The following CDHR1 variants were observed in gnomAD, a reference collection of about 807,000 sequenced individuals.
CDHR1 encodes cadherin-related family member 1.
Under a neutral mutation model 72.1 loss-of-function variants are expected in CDHR1, and 61 were observed. The ratio of observed to expected loss-of-function variants is 0.85; its 90% CI spans 0.69 to 1.05. CDHR1 has a LOEUF of 1.05. Among genes scored for constraint, CDHR1 ranks in the 50% least tolerant of loss-of-function variants. The probability of loss-of-function intolerance (pLI) is 0.00; values close to 1 mark genes in which losing one functional copy is unlikely to be tolerated. For missense variants in CDHR1, 1,186 were observed against 1,115.7 expected (o/e 1.06, Z -0.90); for synonymous variants, 470 against 448.1 (o/e 1.05, Z -0.62).
intron 12 of CDHR1, 49 bp from the exon 13 acceptor site, chr10:84,210,952 G>C: frequency 6.3e-7 from 1 of 1,594,444 alleles, no homozygotes; most frequent in Non-Finnish European, 8.6e-7. Context: ...AAGGCTCTCT[G>C]CAGCATGAGT....
In CDHR1 at chr10:84,217,596, G is replaced by A. The variant is rs940824491; in HGVS notation, c.*2975G>A. 4.7e-5 allele frequency: 46 copies of A among 985,262 alleles called. No homozygotes were observed. Among genetic ancestry groups the A allele is most frequent in the Admixed American group, 6.1e-5 (1 of 16,262 alleles). 61.0% of individuals were successfully genotyped at this position (985,262 alleles called of 1,614,324 possible). ...AGATCTAATATATGTAAAGTGCCTA[G>A]CACCGGCTTTGTATCTACTTACACA... is the stretch of plus-strand genomic sequence containing the variant. On this transcript the variant is annotated 3_prime_UTR_variant, in exon 17 of 17. Transcript: ENST00000623527.
intron 10 of CDHR1, among the ~76,000 whole-genome samples, 191 bp from the exon 11 acceptor site, chr10:84,207,983 T>A (rs1842257599): frequency 6.6e-6 from 1 of 152,204 alleles, no homozygotes; most frequent in Admixed American, 6.5e-5. Context: ...AAGACAGACG[T>A]TACAATCTCT....
intron 12 of CDHR1, among the ~76,000 whole-genome samples, chr10:84,210,401 G>C (rs1290037950): frequency 6.6e-6 from 1 of 152,042 alleles, no homozygotes; most frequent in Non-Finnish European, 1.5e-5. Context: ...GAGTAGCTGG[G>C]ATTACAGACA....
In CDHR1 at chr10:84,210,948, C is replaced by G. The variant is rs1842317986; in HGVS notation, c.1321-53C>G. On this transcript the variant is annotated intron_variant, in intron 12 of 16. Transcript: ENST00000623527. ...CCTGGGGAGATGAGGTGGGAAGGCTCTCTGCAGCATGAGTGCCTACCCAGA... is the reference window on the plus strand; with the variant it reads ...CCTGGGGAGATGAGGTGGGAAGGCTGTCTGCAGCATGAGTGCCTACCCAGA... The G allele has an allele frequency of 1.9e-6, 3 of 1,596,082 alleles. No homozygotes were observed. In the Admixed American group the frequency reaches 5.0e-5, roughly 27 times the overall value.
Position 84,195,581 on chromosome 10 carries a change from C to A in CDHR1, c.143C>A (p.Thr48Asn), listed in dbSNP as rs201698218. The A allele has an allele frequency of 4.4e-4, 707 of 1,613,718 alleles. 1 individual carries two copies. The highest frequency in any genetic ancestry group is 4.2e-4 in the Non-Finnish European group (491 of 1,179,664). ...GCTCTGTTCAGCCTCCCAGAGGACA[C>A]CCCTGTAGGTGAGTAGCCCTGGCAC... ...NMALFSLPEDTPVGSHVYTLN... is the reference protein window; with the variant it reads ...NMALFSLPEDNPVGSHVYTLN... Residue 48 changes from threonine to asparagine, a missense_variant, in exon 2 of 17, where the codon ACC (threonine) becomes AAC (asparagine). Coordinates refer to ENST00000623527, the MANE Select transcript of CDHR1 (RefSeq NM_033100.4).
chr10:84,208,444 T>C lies in CDHR1; in HGVS notation c.1167+67T>C, dbSNP rs142449240. 766 of 1,526,928 alleles carry C rather than the reference T, an allele frequency of 5.0e-4. 2 individuals carry two copies. In the African/African-American group the frequency reaches 9.2e-3, roughly 18 times the overall value. The allele number at this position is 1,526,928 out of a possible 1,614,324, so 94.6% of individuals were successfully genotyped here. ...ATGAAGCCAAGGTCCCAAAGCTAAG[T>C]GGGTCTGCATCAACCTGCTCTGCGT... On this transcript the variant is annotated intron_variant, in intron 11 of 16. Coordinates refer to ENST00000623527, the MANE Select transcript of CDHR1 (RefSeq NM_033100.4).
Position 84,205,825 on chromosome 10 carries a change from A to G in CDHR1, c.863-2A>G, listed in dbSNP as rs776940014. The G allele has an allele frequency of 1.9e-6, 3 of 1,612,496 alleles. No homozygotes were observed. Among genetic ancestry groups the G allele is most frequent in the South Asian group, 1.1e-5 (1 of 90,924 alleles). On this transcript the variant is annotated splice_acceptor_variant, in intron 9 of 16. Coordinates refer to ENST00000623527, the MANE Select transcript of CDHR1 (RefSeq NM_033100.4). LOFTEE classifies it high-confidence loss of function. Reference sequence around the variant, plus strand: ...AACTTCAGGGTGCATCTCCCTTGACAGGGAACGATGGAGCCTTTGAAATTA... The same window carrying G: ...AACTTCAGGGTGCATCTCCCTTGACGGGGAACGATGGAGCCTTTGAAATTA...
chr10:84,216,746 C>A lies in CDHR1; in HGVS notation c.*2125C>A, dbSNP rs1389982394. ...ACATTTGCAGGCCTTGTCTACTGGA[C>A]TTTTCTCCCAAACAGGACAAGCCCA... On this transcript the variant is annotated 3_prime_UTR_variant, in exon 17 of 17. Transcript: ENST00000623527. 1.0e-6 allele frequency: 1 copy of A among 985,350 alleles called. No homozygotes were observed. The highest frequency in any genetic ancestry group is 1.7e-5 in the African/African-American group (1 of 57,248). The allele number at this position is 985,350 out of a possible 1,614,324, so 61.0% of individuals were successfully genotyped here. A position where few individuals can be genotyped will look rare whatever the true frequency, so the allele number is the denominator to read the frequency against.
chr10:84,218,070 G>A lies in CDHR1; in HGVS notation c.*3449G>A. 1.0e-6 allele frequency: 1 copy of A among 985,470 alleles called. No individual in the cohort carries two copies. The highest frequency in any genetic ancestry group is 1.2e-6 in the Non-Finnish European group (1 of 829,938). 61.0% of individuals were successfully genotyped at this position (985,470 alleles called of 1,614,324 possible). Reference sequence around the variant, plus strand: ...GGCCAGTCCACCTGCCAGGGGTGTTGGCATCTGTTGACAGGCAGTGGCACA... The same window carrying A: ...GGCCAGTCCACCTGCCAGGGGTGTTAGCATCTGTTGACAGGCAGTGGCACA... On this transcript the variant is annotated 3_prime_UTR_variant, in exon 17 of 17. Transcript: ENST00000623527.
intron 15 of CDHR1, 40 bp from the exon 16 acceptor site, chr10:84,213,051 T>C: frequency 6.2e-7 from 1 of 1,614,094 alleles, no homozygotes. Flanking sequence ...ACAAGGATTG[T>C]CCCCAAAGCC....
chr10:84,202,916 G>A, intron 7 of CDHR1, 64 bp from the exon 8 acceptor site: 1 of 1,605,488 alleles, frequency 6.2e-7, no homozygotes, highest in Non-Finnish European at 8.5e-7. Context: ...GGTTTTCACG[G>A]ATTCTGTCCA....
downstream of CDHR1, chr10:84,219,513 C>A: frequency 1.9e-6 from 1 of 518,380 alleles, no homozygotes. Flanking sequence ...TTCATGGTAG[C>A]CCAGGCTATT....
rs548995580 is a variant in CDHR1, at chr10:84,214,418, G to A, written c.2377G>A (p.Ala793Thr). 3.2e-5 allele frequency: 52 copies of A among 1,613,590 alleles called. No homozygotes were observed. In the Admixed American group the frequency reaches 6.8e-4, roughly 21 times the overall value. Reference protein sequence around the residue: ...PESSLLPRAPALPPPPSVAPS... With the variant: ...PESSLLPRAPTLPPPPSVAPS... Reference sequence around the variant, plus strand: ...AAGCTCTCTGCTCCCGAGAGCTCCGGCTCTCCCTCCACCACCCAGCGTGGC... The same window carrying A: ...AAGCTCTCTGCTCCCGAGAGCTCCGACTCTCCCTCCACCACCCAGCGTGGC... Residue 793 changes from alanine (A) to threonine (T), a missense_variant, in exon 17 of 17, where the codon GCT becomes ACT. Physicochemically the swap from Ala to Thr is moderately conservative, Grantham distance 58 (BLOSUM62 0). Coordinates refer to ENST00000623527, the MANE Select transcript of CDHR1 (RefSeq NM_033100.4).
At position 84,212,230 on chromosome 10, in the gene CDHR1, C is replaced by T; in HGVS notation, c.1605C>T (p.Ser535=). Reference sequence around the variant, plus strand: ...TTATCTACACCCAGCCCTGGGCTAGCCTGGACGCTGAGGCCACTGCCAGGT... The same window carrying T: ...TTATCTACACCCAGCCCTGGGCTAGTCTGGACGCTGAGGCCACTGCCAGGT... ...TGLIYTQPWA[S]LDAEATARYN... Residue 535 remains serine, a synonymous_variant, in exon 15 of 17, where the codon AGC becomes AGT. Coordinates refer to ENST00000623527, the MANE Select transcript of CDHR1 (RefSeq NM_033100.4). 2 of 1,614,238 alleles carry T rather than the reference C, an allele frequency of 1.2e-6. No individual in the cohort carries two copies. Among genetic ancestry groups the T allele is most frequent in the South Asian group, 2.2e-5 (2 of 91,086 alleles).
chr10:84,207,537 G>A (rs528147216), intron 10 of CDHR1, among the ~76,000 whole-genome samples: 1 of 152,292 alleles, frequency 6.6e-6, no homozygotes, highest in South Asian at 2.1e-4. Context: ...GGGAAAGGTG[G>A]TCTTGAAGAG....
intron 14 of CDHR1, among the ~76,000 whole-genome samples, 189 bp from the exon 15 acceptor site, chr10:84,211,990 T>C (rs1472111366): frequency 6.6e-6 from 1 of 152,176 alleles, no homozygotes; most frequent in Non-Finnish European, 1.5e-5. Context: ...TAGTGATAGA[T>C]GGGTGAGTCC....
chr10:84,205,950 T>G (rs773618120), intron 10 of CDHR1, 23 bp downstream of exon 10: 1 of 1,568,548 alleles, frequency 6.4e-7, no homozygotes. Context: ...TAGCTTTGTC[T>G]TCCCTGCCCA....
Position 84,211,126 on chromosome 10 carries a change from T to G in CDHR1, c.1446T>G (p.Pro482=). The stretch of plus-strand genomic sequence containing the variant: ...CCCTCTACTACGTTGCCAGGATTCC[T>G]GAGAACGCCCCAGGGGGCTCCAGCG... The part of the protein sequence containing the change: ...FDSLYYVARI[P]ENAPGGSSVV... The change falls in exon 13 of 17, where the codon CCT becomes CCG. Residue 482 remains proline, a synonymous_variant. Coordinates refer to ENST00000623527, the MANE Select transcript of CDHR1 (RefSeq NM_033100.4). 1 of 1,614,190 alleles carries G rather than the reference T, an allele frequency of 6.2e-7. No individual in the cohort carries two copies. The highest frequency in any genetic ancestry group is 8.5e-7 in the Non-Finnish European group (1 of 1,180,008).
At chr10:84,211,454 C>T (rs1842330242) in intron 13 of CDHR1, among the ~76,000 whole-genome samples, 194 bp from the exon 14 acceptor site, 1 of 152,198 alleles carries the variant, frequency 6.6e-6, no homozygotes, top group African/African-American at 2.4e-5. Context: ...ATCTAAATCT[C>T]TTGGCTCTTT....
Sources: allele counts gnomAD v4.1 joint callset (sites outside exome capture counted in the v4.1 genomes callset), GRCh38; gene constraint gnomAD v4.1.1; transcripts MANE v1.5; gene names NCBI Gene and HGNC (gene_info 2026-07-23, HGNC 2026-07-21).